Variants in SMAD1 observed in about 807,000 individuals in gnomAD.
The protein encoded by SMAD1 is MAD, mothers against decapentaplegic homolog 1.
SMAD1 carries 6 observed loss-of-function variants against 41.6 expected under a neutral mutation model. That is an observed-to-expected ratio of 0.14 (90% CI 0.08 to 0.28). The LOEUF (loss-of-function observed/expected upper bound fraction) is 0.28. Among genes scored for constraint, SMAD1 ranks in the 10% least tolerant of loss-of-function variants. SMAD1 has a pLI of 1.00. For synonymous variants in SMAD1, 206 were observed against 203.2 expected, an observed-to-expected ratio of 1.01 and a Z score of -0.12; for missense variants, 379 against 582.6, an observed-to-expected ratio of 0.65 and a Z score of 3.60.
chr4:145,542,975 T>A (rs1732037236), intron 4 of SMAD1, among the ~76,000 whole-genome samples: 1 of 152,142 alleles, frequency 6.6e-6, no homozygotes, highest in South Asian at 2.1e-4. Context: ...ATGAAAATTT[T>A]TTTTTTGTTT....
In SMAD1 at chr4:145,514,720, C is replaced by T. The variant is rs902788564; in HGVS notation, c.107C>T (p.Ala36Val). ...AAATGGGCAGAGAAAGCTGTTGATG[C>T]TTTGGTGAAAAAACTGAAGAAAAAG... Reference protein sequence around the residue: ...EEKWAEKAVDALVKKLKKKKG... With the variant: ...EEKWAEKAVDVLVKKLKKKKG... The change falls in exon 2 of 7, where the codon GCT becomes GTT. Residue 36 changes from alanine to valine, a missense_variant. This residue lies in a region of SMAD1 where 64 missense variants were observed against 153.9 expected (regional missense o/e 0.42). Transcript: ENST00000302085. This position sits in a 1 kb window ranked among gnomAD's most constrained non-coding sequence, Gnocchi z 4.7. 1.2e-6 allele frequency: 2 copies of T among 1,614,102 alleles called. No homozygotes were observed. The highest frequency in any genetic ancestry group is 1.7e-6 in the Non-Finnish European group (2 of 1,180,024).
chr4:145,531,942 G>A (rs1469832957), intron 2 of SMAD1, among the ~76,000 whole-genome samples: 3 of 152,052 alleles, frequency 2.0e-5, no homozygotes, highest in Admixed American at 6.5e-5. Flanking sequence ...GCCCACGTGG[G>A]GATTTGTCAG....
chr4:145,502,669 T>G (rs545898373), intron 1 of SMAD1, among the ~76,000 whole-genome samples: 6 of 152,216 alleles, frequency 3.9e-5, no homozygotes, highest in Non-Finnish European at 5.9e-5. Context: ...ACACCTAAAA[T>G]AAATAAACTA....
At chr4:145,494,745 A>T (rs1469308691) in intron 1 of SMAD1, among the ~76,000 whole-genome samples, 1 of 152,214 alleles carries the variant, frequency 6.6e-6, no homozygotes, top group African/African-American at 2.4e-5. Context: ...TTAGAATTAC[A>T]TCAGGAAATA....
In SMAD1 at chr4:145,546,717, G is replaced by A. The variant is rs1446834454; in HGVS notation, c.790G>A (p.Ala264Thr). The A allele has an allele frequency of 2.5e-6, 4 of 1,612,740 alleles. No homozygotes were observed. In the African/African-American group the frequency reaches 4.0e-5, roughly 16 times the overall value. Residue 264 changes from alanine to threonine, a missense_variant, in exon 5 of 7, where the codon GCT becomes ACT. By Grantham distance (58) the Ala-to-Thr change is moderately conservative. This residue lies in a region of SMAD1 where 208 missense variants were observed against 210.5 expected (regional missense o/e 0.99). Transcript: ENST00000302085. ...EINRGDVQAV[A>T]YEEPKHWCSI... Reference sequence around the variant, plus strand: ...CTTTCCTCTAGATGTTCAGGCGGTTGCTTATGAGGAACCAAAACACTGGTG... The same window carrying A: ...CTTTCCTCTAGATGTTCAGGCGGTTACTTATGAGGAACCAAAACACTGGTG...
At chr4:145,493,187 A>G (rs1728866668) in intron 1 of SMAD1, among the ~76,000 whole-genome samples, 1 of 152,134 alleles carries the variant, frequency 6.6e-6, no homozygotes. Flanking sequence ...CATTGGTGAG[A>G]CTTGTCACTC....
chr4:145,515,170 G>GTC lies in SMAD1; in HGVS notation c.400+158_400+159insCT, dbSNP rs1553945854. Among the ~76,000 whole-genome samples, 210 of 150,098 alleles carry GTC rather than the reference G, an allele frequency of 1.4e-3. 2 individuals carry two copies. Among genetic ancestry groups the GTC allele is most frequent in the African/African-American group, 3.7e-3 (150 of 40,522 alleles). On this transcript the variant is annotated intron_variant, in intron 2 of 6. Coordinates refer to ENST00000302085, the MANE Select transcript of SMAD1 (RefSeq NM_005900.3). ...TGTGTGTGTGTGTGTGTGTGTGTGT[G>GTC]TGTGTGTCTGTGTGAATGCAAGAGA...
At chr4:145,527,227 C>G (rs958685701) in intron 2 of SMAD1, among the ~76,000 whole-genome samples, 1 of 143,592 alleles carries the variant, frequency 7.0e-6, no homozygotes, top group Admixed American at 7.0e-5. Flanking sequence ...TCATTTAATT[C>G]TTTTTTTTTT....
upstream of SMAD1, chr4:145,481,721 C>CGCGGCA (rs888938737): frequency 5.6e-6 from 1 of 177,938 alleles, no homozygotes; most frequent in African/African-American, 2.4e-5. Context: ...TCCCTGGTCG[C>CGCGGCA]GCGGCAGCGG....
chr4:145,517,568 T>C (rs1393526950), intron 2 of SMAD1, among the ~76,000 whole-genome samples: 3 of 152,184 alleles, frequency 2.0e-5, no homozygotes, highest in Non-Finnish European at 4.4e-5. Flanking sequence ...ATGTGTATAA[T>C]TAACATCTCT....
intron 1 of SMAD1, among the ~76,000 whole-genome samples, chr4:145,495,635 T>A (rs79115554): frequency 4.0e-5 from 6 of 150,494 alleles, no homozygotes; most frequent in Non-Finnish European, 7.4e-5. Flanking sequence ...TTTTTTTTTT[T>A]AACTAGACAG....
At position 145,557,793 on chromosome 4, in the gene SMAD1, C is replaced by A; in HGVS notation, c.1257C>A (p.Gly419=). The A allele has an allele frequency of 6.2e-7, 1 of 1,604,686 alleles. No homozygotes were observed. Among genetic ancestry groups the A allele is most frequent in the Non-Finnish European group, 8.5e-7 (1 of 1,174,380 alleles). Residue 419 remains glycine, a splice_region_variant and synonymous_variant, in exon 7 of 7, where the codon GGC becomes GGA. Coordinates refer to ENST00000302085, the MANE Select transcript of SMAD1 (RefSeq NM_005900.3). ...GACCTCCAGTATGTTTTTCCTAGGG[C>A]TGGGGAGCAGAATACCACCGCCAGG... ...MCTIRMSFVK[G]WGAEYHRQDV... is the part of the protein sequence containing the mutation.
chr4:145,531,738 ACT>A (rs1018387993), intron 2 of SMAD1, among the ~76,000 whole-genome samples: 3 of 151,784 alleles, frequency 2.0e-5, no homozygotes, highest in Admixed American at 6.6e-5. Flanking sequence ...AGGTGTCTTG[ACT>A]CTAACCTAAA....
rs577463878 is a variant in SMAD1, at chr4:145,553,449, G to A, written c.998-335G>A. Among the ~76,000 whole-genome samples, 5 of 152,204 alleles carry A rather than the reference G, an allele frequency of 3.3e-5. No homozygotes were observed. In the South Asian group the frequency reaches 8.3e-4, roughly 25 times the overall value. On this transcript the variant is annotated intron_variant, in intron 5 of 6. Coordinates refer to ENST00000302085, the MANE Select transcript of SMAD1 (RefSeq NM_005900.3). ...GGCATTAGATTCTCATAAGGAGCAC[G>A]CAACCTTGATCCCTCCCATGCACAG...
intron 5 of SMAD1, among the ~76,000 whole-genome samples, chr4:145,550,796 A>C (rs1197096865): frequency 1.3e-5 from 2 of 152,214 alleles, no homozygotes; most frequent in African/African-American, 4.8e-5. Context: ...AGCCACAGAA[A>C]ACATCAGTTT....
chr4:145,554,016 T>C lies in SMAD1; in HGVS notation c.1230T>C (p.Cys410=), dbSNP rs751966782. 1 of 1,613,956 alleles carries C rather than the reference T, an allele frequency of 6.2e-7. No individual in the cohort carries two copies. The highest frequency in any genetic ancestry group is 1.1e-5 in the South Asian group (1 of 91,078). ...FETVYELTKM[C]TIRMSFVKGW... ...CAGTCTATGAGCTTACAAAAATGTG[T>C]ACTATACGTATGAGCTTTGTGAAGG... Residue 410 remains cysteine (C), a synonymous_variant, in exon 6 of 7, where the codon TGT becomes TGC. Coordinates refer to ENST00000302085, the MANE Select transcript of SMAD1 (RefSeq NM_005900.3).
intron 1 of SMAD1, among the ~76,000 whole-genome samples, chr4:145,492,315 C>T (rs1728813938): frequency 1.3e-5 from 2 of 152,246 alleles, no homozygotes; most frequent in African/African-American, 4.8e-5. Flanking sequence ...GCTTCTGGAA[C>T]TTCTGGCTGA....
intron 1 of SMAD1, among the ~76,000 whole-genome samples, chr4:145,494,003 C>A (rs528300423): frequency 6.6e-6 from 1 of 152,298 alleles, no homozygotes; most frequent in Non-Finnish European, 1.5e-5. Flanking sequence ...ACCCTGTCGC[C>A]CAGGCTGGAG....
chr4:145,540,597 G>A (rs1340462501), intron 3 of SMAD1, among the ~76,000 whole-genome samples: 1 of 152,152 alleles, frequency 6.6e-6, no homozygotes, highest in African/African-American at 2.4e-5. Flanking sequence ...GAAACCATCT[G>A]CTTGTTCAAC....
Sources: allele counts gnomAD v4.1 joint callset (sites outside exome capture counted in the v4.1 genomes callset), GRCh38; gene constraint gnomAD v4.1.1; regional missense constraint gnomAD v4.1.1; non-coding constraint Gnocchi (gnomAD v3.1); transcripts MANE v1.5; gene names NCBI Gene and HGNC (gene_info 2026-07-23, HGNC 2026-07-21).